Variants in KIAA0586 observed in about 807,000 individuals in gnomAD.
KIAA0586 encodes protein TALPID3.
Under a neutral mutation model 169.8 loss-of-function variants are expected in KIAA0586, and 144 were observed. The observed-to-expected ratio is 0.85, with a 90% CI of 0.74 to 0.97. The LOEUF (loss-of-function observed/expected upper bound fraction) is 0.97, where lower values mean the gene tolerates loss of function less well. KIAA0586 is among the 50% of genes least tolerant of loss of function. The probability of loss-of-function intolerance (pLI) is 0.00; values close to 1 mark genes in which losing one functional copy is unlikely to be tolerated. For missense variants in KIAA0586, 1,854 were observed against 1,823.0 expected (o/e 1.02, Z -0.31); for synonymous variants, 625 against 612.4 (o/e 1.02, Z -0.30).
At chr14:58,448,582 TAGG>T in intron 7 of KIAA0586, 89 bp downstream of exon 7, 1 of 856,428 alleles carries the variant, frequency 1.2e-6, no homozygotes, top group East Asian at 2.9e-5. Flanking sequence ...TCCTGAGCAG[TAGG>T]AGTTTTTGTT....
chr14:58,551,749 GA>G (rs1313551403), downstream of KIAA0586, among the ~76,000 whole-genome samples: 1 of 151,830 alleles, frequency 6.6e-6, no homozygotes, highest in African/African-American at 2.4e-5. Context: ...CTGGGTGACA[GA>G]GTGAGACTGT....
At chr14:58,496,023 G>A (rs917112956) in intron 26 of KIAA0586, among the ~76,000 whole-genome samples, 4 of 151,968 alleles carry the variant, frequency 2.6e-5, no homozygotes, top group African/African-American at 9.7e-5. Context: ...ATATTTTCTT[G>A]TCTAAAGGGC....
Position 58,512,713 on chromosome 14 carries a change from A to T in KIAA0586, c.4429+86A>T. ...TATGAGAATTCTTTACTTTTTATAC[A>T]TCCCACTGCTCTCTAGGTTTTTGTT... On this transcript the variant is annotated intron_variant, in intron 29 of 30. Transcript: ENST00000652326. 6 of 728,990 alleles carry T rather than the reference A, an allele frequency of 8.2e-6. No individual in the cohort carries two copies. In the South Asian group the frequency reaches 1.2e-4, roughly 14 times the overall value. 45.2% of individuals were successfully genotyped at this position (728,990 alleles called of 1,614,324 possible).
intron 19 of KIAA0586, among the ~76,000 whole-genome samples, chr14:58,475,784 C>T (rs193071827): frequency 6.6e-6 from 1 of 152,046 alleles, no homozygotes; most frequent in African/African-American, 2.4e-5. Context: ...CAATGTAACC[C>T]CAGTTTACAA....
At chr14:58,488,319 A>T (rs184401632) in intron 23 of KIAA0586, among the ~76,000 whole-genome samples, 320 of 152,304 alleles carry the variant, frequency 2.1e-3, no homozygotes, top group African/African-American at 7.1e-3. Context: ...AATAGCTAGA[A>T]ATAAAGGTAT....
At chr14:58,435,319 C>G (rs1595079109) in intron 4 of KIAA0586, among the ~76,000 whole-genome samples, 1 of 152,174 alleles carries the variant, frequency 6.6e-6, no homozygotes, top group East Asian at 1.9e-4. Flanking sequence ...ACATTTTATG[C>G]CCATATCTTC....
intron 4 of KIAA0586, 96 bp from the exon 5 acceptor site, chr14:58,442,600 TAAAAAAAATC>T (rs2038492267): frequency 1.2e-6 from 1 of 815,944 alleles, no homozygotes; most frequent in Non-Finnish European, 1.9e-6. Context: ...GTGATTTAAT[TAAAAAAAATC>T]AAAACCACCT....
chr14:58,534,671 T>A (rs927843515), intron 29 of KIAA0586, among the ~76,000 whole-genome samples: 1 of 152,032 alleles, frequency 6.6e-6, no homozygotes, highest in African/African-American at 2.4e-5. Context: ...GAAAAAAAAA[T>A]AGAAAGGAAT....
chr14:58,508,471 G>T lies in KIAA0586; in HGVS notation c.4169-84G>T, dbSNP rs530533823. On this transcript the variant is annotated intron_variant, in intron 27 of 30. Coordinates refer to ENST00000652326, the MANE Select transcript of KIAA0586 (RefSeq NM_001329943.3). ...TCTAATTCAGCAGGTGAGAAATATT[G>T]GTGGTTTTAGTCAACTACTTGTTCA... The T allele has an allele frequency of 5.8e-6, 6 of 1,030,422 alleles. No homozygotes were observed. In the East Asian group the frequency reaches 1.3e-4, roughly 22 times the overall value. The allele number at this position is 1,030,422 out of a possible 1,614,324, so 63.8% of individuals were successfully genotyped here.
intron 5 of KIAA0586, 90 bp downstream of exon 5, chr14:58,442,970 T>G: frequency 1.1e-6 from 1 of 934,104 alleles, no homozygotes. Flanking sequence ...TGTGTCCAGT[T>G]ATAGACTAGG....
intron 16 of KIAA0586, 102 bp from the exon 17 acceptor site, chr14:58,470,511 A>G (rs1595245335): frequency 4.0e-6 from 2 of 499,326 alleles, no homozygotes; most frequent in South Asian, 5.8e-5. Context: ...GTTTTTATGT[A>G]TATGTGTATA....
intron 29 of KIAA0586, among the ~76,000 whole-genome samples, chr14:58,524,298 A>C (rs2139919248): frequency 6.6e-6 from 1 of 152,360 alleles, no homozygotes; most frequent in East Asian, 1.9e-4. Flanking sequence ...TTAATAAATT[A>C]GAACAGAGAA....
In KIAA0586 at chr14:58,457,974, C is replaced by T. The variant is rs1268508254; in HGVS notation, c.1578C>T (p.Thr526=). ...ATTCGCTTATCAATGCTTTATCTAC[C>T]AACAGGTAAGAGGATGTTGGCATCC... ...AMYSLINALS[T]NREMSEKIRI... is the part of the protein sequence containing the mutation. The change falls in exon 11 of 31, where the codon ACC becomes ACT. Residue 526 remains threonine (T), a synonymous_variant. Transcript: ENST00000652326. 1.9e-6 allele frequency: 3 copies of T among 1,578,800 alleles called. No homozygotes were observed. The highest frequency in any genetic ancestry group is 2.6e-6 in the Non-Finnish European group (3 of 1,159,504).
intron 29 of KIAA0586, chr14:58,521,537 T>C: frequency 2.5e-6 from 2 of 804,252 alleles, no homozygotes; most frequent in Middle Eastern, 2.3e-4. Flanking sequence ...GCTCGGGCTG[T>C]AGTGCCCTCG....
chr14:58,558,162 T>G, the KIAA0586 span, among the ~76,000 whole-genome samples: 1 of 152,152 alleles, frequency 6.6e-6, no homozygotes, highest in Non-Finnish European at 1.5e-5. Context: ...CCGCCCGCCT[T>G]GGCCTCCCAA....
At chr14:58,491,045 GCAAT>G (rs955195546) in intron 25 of KIAA0586, among the ~76,000 whole-genome samples, 1 of 152,056 alleles carries the variant, frequency 6.6e-6, no homozygotes, top group Non-Finnish European at 1.5e-5. Flanking sequence ...AGAGAGCATA[GCAAT>G]CACTTTTATG....
At chr14:58,542,441 C>T (rs2046696462) in intron 30 of KIAA0586, among the ~76,000 whole-genome samples, 1 of 151,392 alleles carries the variant, frequency 6.6e-6, no homozygotes, top group Non-Finnish European at 1.5e-5. Flanking sequence ...CATGCCATTG[C>T]ACTCCAGCCT....
intron 14 of KIAA0586, among the ~76,000 whole-genome samples, chr14:58,465,224 A>G (rs747880477): frequency 1.3e-4 from 20 of 152,228 alleles, no homozygotes; most frequent in Non-Finnish European, 2.4e-4. Context: ...ATTAATTAGT[A>G]AGGTTTAAGT....
At chr14:58,495,380 C>T (rs1037546816) in intron 26 of KIAA0586, among the ~76,000 whole-genome samples, 3 of 151,980 alleles carry the variant, frequency 2.0e-5, no homozygotes, top group Non-Finnish European at 4.4e-5. Flanking sequence ...CAGCTCACTG[C>T]AGCCTCGAAC....
Sources: gnomAD v4.1 joint callset for allele counts (sites outside exome capture counted in the v4.1 genomes callset) on GRCh38, gnomAD v4.1.1 for gene constraint, MANE v1.5 for transcripts, NCBI Gene and HGNC (gene_info 2026-07-23, HGNC 2026-07-21) for gene names.